Variants in CARS2 observed in about 807,000 individuals in gnomAD.
The protein encoded by CARS2 is probable cysteine--tRNA ligase, mitochondrial.
In CARS2, 52 loss-of-function variants were observed where a neutral mutation model predicts 68.8. The observed-to-expected ratio is 0.76, with a 90% CI of 0.61 to 0.95. The LOEUF is 0.95. CARS2 is among the 40% of genes least tolerant of loss of function. The pLI, the probability that CARS2 is intolerant of heterozygous loss-of-function variation, is 0.00. For missense variants in CARS2, 780 were observed against 754.2 expected, an observed-to-expected ratio of 1.03 and a Z score of -0.40; for synonymous variants, 314 against 303.6, an observed-to-expected ratio of 1.03 and a Z score of -0.36.
intron 1 of CARS2, chr13:110,713,051 T>G: frequency 1.4e-6 from 2 of 1,467,528 alleles, no homozygotes; most frequent in South Asian, 2.7e-5. Context: ...GCGCCGCCAC[T>G]TCCGCCCGTG....
At chr13:110,654,029 G>A (rs1034129217) in intron 9 of CARS2, among the ~76,000 whole-genome samples, 32 of 152,308 alleles carry the variant, frequency 2.1e-4, no homozygotes, top group African/African-American at 5.8e-4. Context: ...AGCCCAGGCC[G>A]GAGGACCGGA....
At chr13:110,697,679 G>A (rs2063662808) in intron 3 of CARS2, among the ~76,000 whole-genome samples, 1 of 152,262 alleles carries the variant, frequency 6.6e-6, no homozygotes. Context: ...CTGGGCTTAA[G>A]TGATCCAGCC....
intron 8 of CARS2, chr13:110,666,102 G>C (rs1385327693): frequency 1.0e-6 from 1 of 985,256 alleles, no homozygotes; most frequent in Non-Finnish European, 1.2e-6. Flanking sequence ...CCACGGAAGA[G>C]AGACCTCCTT....
intron 3 of CARS2, among the ~76,000 whole-genome samples, chr13:110,700,629 A>T (rs1035317510): frequency 6.6e-6 from 1 of 152,062 alleles, no homozygotes; most frequent in African/African-American, 2.4e-5. Flanking sequence ...AAAATGTGTT[A>T]AAAAAAGCAC....
rs902998066 is a variant in CARS2, at chr13:110,668,315, A to G, written c.786-842T>C. Among the ~76,000 whole-genome samples the G allele has an allele frequency of 6.6e-6, 1 of 152,164 alleles. No individual in the cohort carries two copies. Among genetic ancestry groups the G allele is most frequent in the Non-Finnish European group, 1.5e-5 (1 of 68,022 alleles). ...ACACAGCACTTTGGGAGGCTGAGGC[A>G]GGCGGATCACAAGGTCAGGAGATCG... On this transcript the variant is annotated intron_variant, in intron 7 of 14. Transcript: ENST00000257347. The surrounding 1 kb of genome is among the most constrained non-coding windows in gnomAD (Gnocchi z 4.1).
intron 9 of CARS2, among the ~76,000 whole-genome samples, chr13:110,662,573 C>A (rs770089239): frequency 6.6e-6 from 1 of 152,252 alleles, no homozygotes; most frequent in Non-Finnish European, 1.5e-5. Context: ...AATTGAGGCT[C>A]CCCGGTGGGA....
intron 3 of CARS2, among the ~76,000 whole-genome samples, chr13:110,700,042 A>T (rs2063737829): frequency 6.6e-6 from 1 of 152,228 alleles, no homozygotes; most frequent in African/African-American, 2.4e-5. Flanking sequence ...ACTTGCCCAG[A>T]GATAGCTGAA....
At chr13:110,699,956 G>A (rs1245106222) in intron 3 of CARS2, among the ~76,000 whole-genome samples, 2 of 152,206 alleles carry the variant, frequency 1.3e-5, no homozygotes, top group Non-Finnish European at 2.9e-5. Flanking sequence ...GACTCCAGTG[G>A]GGCCCTCAGC....
rs554671614 is a variant in CARS2, at chr13:110,688,501, C to A, written c.394-483G>T. On this transcript the variant is annotated intron_variant, in intron 3 of 14. Transcript: ENST00000257347. ...ATAGAAAACAAAACATACCAAGGAT[C>A]CTCCACTTTTCTAAGACAAGGGCAA... 1.4e-3 allele frequency among the ~76,000 whole-genome samples: 209 copies of A among 152,266 alleles called. 5 individuals are homozygous for A. The South Asian group carries it at 0.042, about 31-fold the overall frequency.
At chr13:110,644,537 G>C in intron 12 of CARS2, 54 bp from the exon 13 acceptor site, 5 of 1,602,954 alleles carry the variant, frequency 3.1e-6, no homozygotes, top group Non-Finnish European at 4.3e-6. Context: ...ATGGCAGTGG[G>C]CAAACGGAAT....
chr13:110,671,962 CAAAG>C (rs1363638812), intron 7 of CARS2, among the ~76,000 whole-genome samples: 1 of 152,104 alleles, frequency 6.6e-6, no homozygotes, highest in Admixed American at 6.6e-5. Flanking sequence ...TCAAAAGAGA[CAAAG>C]AAGGCCATTA....
chr13:110,683,250 C>T, intron 5 of CARS2, 116 bp from the exon 6 acceptor site: 1 of 588,168 alleles, frequency 1.7e-6, no homozygotes, highest in South Asian at 2.8e-5. Context: ...CATTTGGCCC[C>T]ATATACATAT....
In CARS2 at chr13:110,705,862, C is replaced by A. The variant is rs1288011910; in HGVS notation, c.224+8G>T. On this transcript the variant is annotated splice_region_variant and intron_variant, in intron 1 of 14. Transcript: ENST00000257347. This position sits in a 1 kb window ranked among gnomAD's most constrained non-coding sequence, Gnocchi z 4.0. ...CCCCCGCCCGTGCCCCAGTCCCGCGCGGCCCACCAGGAGGCGGCTTCGGCG... is the reference window on the plus strand; with the variant it reads ...CCCCCGCCCGTGCCCCAGTCCCGCGAGGCCCACCAGGAGGCGGCTTCGGCG... 6.4e-7 allele frequency: 1 copy of A among 1,550,660 alleles called. No homozygotes were observed. The highest frequency in any genetic ancestry group is 8.7e-7 in the Non-Finnish European group (1 of 1,150,412).
intron 5 of CARS2, among the ~76,000 whole-genome samples, chr13:110,684,301 G>A (rs1033498664): frequency 2.0e-5 from 3 of 152,086 alleles, no homozygotes; most frequent in African/African-American, 7.2e-5. Context: ...TTTTACTAAT[G>A]CAGTTACTGA....
intron 6 of CARS2, among the ~76,000 whole-genome samples, chr13:110,679,551 A>AAGAAAGAAAGAAAGAGAG (rs2063077109): frequency 1.8e-5 from 1 of 55,324 alleles, no homozygotes; most frequent in Admixed American, 1.8e-4. Context: ...AAGAAAAGAA[A>AAGAAAGAAAGAAAGAGAG]AGAAAGAAAG....
chr13:110,695,885 G>A (rs1003501438), intron 3 of CARS2, among the ~76,000 whole-genome samples: 2 of 151,490 alleles, frequency 1.3e-5, no homozygotes, highest in South Asian at 2.1e-4. Context: ...CCATCAACCC[G>A]TCATCTACAT....
chr13:110,670,580 T>C lies in CARS2; in HGVS notation c.786-3107A>G, dbSNP rs568064186. ...TGTCACCACCATCAAAGACCAAAGG[T>C]AGACAAAAACCACAAAGATGGGGAG... On this transcript the variant is annotated intron_variant, in intron 7 of 14. Coordinates refer to ENST00000257347, the MANE Select transcript of CARS2 (RefSeq NM_024537.4). This position sits in a 1 kb window ranked among gnomAD's most constrained non-coding sequence, Gnocchi z 4.1. Among the ~76,000 whole-genome samples the C allele has an allele frequency of 6.6e-6, 1 of 151,860 alleles. No individual in the cohort carries two copies. Among genetic ancestry groups the C allele is most frequent in the African/African-American group, 2.4e-5 (1 of 41,398 alleles).
chr13:110,664,839 G>A (rs1185586268), intron 8 of CARS2: 7 of 362,880 alleles, frequency 1.9e-5, no homozygotes, highest in South Asian at 1.1e-4. Flanking sequence ...GAGAGCTGAC[G>A]GCCGTCTACA....
chr13:110,692,000 A>AT (rs1230737386), intron 3 of CARS2, among the ~76,000 whole-genome samples: 47 of 76,648 alleles, frequency 6.1e-4, no homozygotes, highest in Middle Eastern at 5.5e-3. Flanking sequence ...AAAAAAAAAA[A>AT]AAAATATATA....
Sources: allele counts gnomAD v4.1 joint callset (sites outside exome capture counted in the v4.1 genomes callset), GRCh38; gene constraint gnomAD v4.1.1; non-coding constraint Gnocchi (gnomAD v3.1); transcripts MANE v1.5; gene names NCBI Gene and HGNC (gene_info 2026-07-23, HGNC 2026-07-21).